MDFIC: variants seen among roughly 807,000 people sequenced by gnomAD.
MDFIC encodes the protein MyoD family inhibitor domain containing, also known as myoD family inhibitor domain-containing protein.
MDFIC carries 17 observed loss-of-function variants against 23.2 expected under a neutral mutation model. The ratio of observed to expected loss-of-function variants is 0.73; its 90% CI spans 0.50 to 1.10. The LOEUF is 1.10. Ranked by LOEUF, MDFIC falls within the 50% of genes least tolerant of loss-of-function variation. MDFIC has a pLI of 0.00. For synonymous variants in MDFIC, 120 were observed against 115.2 expected, an observed-to-expected ratio of 1.04 and a Z score of -0.27; for missense variants, 356 against 316.6, an observed-to-expected ratio of 1.12 and a Z score of -0.95.
At chr7:114,969,958 G>A (rs1339661160) in intron 3 of MDFIC, among the ~76,000 whole-genome samples, 2 of 152,124 alleles carry the variant, frequency 1.3e-5, no homozygotes, top group East Asian at 3.9e-4. Flanking sequence ...GCAACATGTG[G>A]CTTAAAACAC....
At chr7:114,936,618 GT>G (rs1368388991) in intron 2 of MDFIC, among the ~76,000 whole-genome samples, 3 of 152,114 alleles carry the variant, frequency 2.0e-5, no homozygotes, top group Non-Finnish European at 4.4e-5. Flanking sequence ...TTGTTCCCTT[GT>G]GAAGTAGCAA....
Position 114,925,234 on chromosome 7 carries a change from T to A in MDFIC, c.94+2107T>A, listed in dbSNP as rs1057128380. Among the ~76,000 whole-genome samples the A allele has an allele frequency of 3.3e-5, 5 of 152,254 alleles. 1 individual carries two copies. The South Asian group carries it at 1.0e-3, about 32-fold the overall frequency. On this transcript the variant is annotated intron_variant, in intron 2 of 4. Transcript: ENST00000393486. ...AAATAATGACATTACAAGCTCTACA[T>A]TTATTACTATACTATATTGTGATGA...
chr7:115,005,660 C>T (rs1791554943), intron 4 of MDFIC, among the ~76,000 whole-genome samples: 2 of 152,160 alleles, frequency 1.3e-5, no homozygotes, highest in South Asian at 4.1e-4. Context: ...TATCTGTTTT[C>T]AGCAATTTTA....
At chr7:114,933,639 A>G (rs1480404890) in intron 2 of MDFIC, among the ~76,000 whole-genome samples, 1 of 152,204 alleles carries the variant, frequency 6.6e-6, no homozygotes, top group Non-Finnish European at 1.5e-5. Context: ...TTTGGCAATC[A>G]GACAACCTCT....
At chr7:114,933,124 ACT>A (rs980538155) in intron 2 of MDFIC, among the ~76,000 whole-genome samples, 4 of 152,104 alleles carry the variant, frequency 2.6e-5, no homozygotes, top group Non-Finnish European at 4.4e-5. Context: ...TCATAAAATA[ACT>A]CTGTATAACT....
rs1315531534 is a variant in MDFIC, at chr7:115,011,998, TTCTA to T, written c.494-3686_494-3683del. On this transcript the variant is annotated intron_variant, in intron 4 of 4. Transcript: ENST00000393486. ...CTTCTTTTTGCTAATTATCAGATTT[TTCTA>T]TCTGTCACTTAACTTCCTCAGCCAT... 5.3e-5 allele frequency among the ~76,000 whole-genome samples: 8 copies of T among 152,252 alleles called. 1 individual carries two copies. Among genetic ancestry groups the T allele is most frequent in the Non-Finnish European group, 1.0e-4 (7 of 68,046 alleles).
rs549145281 is a variant in MDFIC, at chr7:114,928,707, G to A, written c.94+5580G>A. Among the ~76,000 whole-genome samples the A allele has an allele frequency of 5.3e-5, 8 of 152,264 alleles. No individual in the cohort carries two copies. In the South Asian group the frequency reaches 1.7e-3, roughly 32 times the overall value. On this transcript the variant is annotated intron_variant, in intron 2 of 4. Transcript: ENST00000393486. ...TCTTCTGTAGGAGTTGGTGACCACT[G>A]AAGTCTCTTAAGAAGAAAAGGACAG...
chr7:115,001,855 G>A (rs1033912650), intron 4 of MDFIC, among the ~76,000 whole-genome samples: 1 of 152,136 alleles, frequency 6.6e-6, no homozygotes, highest in African/African-American at 2.4e-5. Flanking sequence ...CTGGCCTCCT[G>A]GCCCGGCACA....
chr7:114,979,602 A>G lies in MDFIC; in HGVS notation c.314A>G (p.Asn105Ser), dbSNP rs1218524039. 6.2e-7 allele frequency: 1 copy of G among 1,614,142 alleles called. No individual in the cohort carries two copies. The highest frequency in any genetic ancestry group is 8.5e-7 in the Non-Finnish European group (1 of 1,179,998). Reference protein sequence around the residue: ...KIKNGHTGLSNGNGIHHGAKH... With the variant: ...KIKNGHTGLSSGNGIHHGAKH... ...AAGAACGGCCACACAGGTCTGAGCA[A>G]TGGAAATGGAATTCACCACGGGGCC... Residue 105 changes from asparagine (N) to serine (S), a missense_variant, in exon 4 of 5, where the codon AAT (asparagine) becomes AGT (serine). Asn to Ser is a conservative substitution (Grantham distance 46). Coordinates refer to ENST00000393486, the MANE Select transcript of MDFIC (RefSeq NM_001166345.3).
chr7:114,995,108 C>G (rs1791294415), intron 4 of MDFIC, among the ~76,000 whole-genome samples: 1 of 152,178 alleles, frequency 6.6e-6, no homozygotes, highest in South Asian at 2.1e-4. Flanking sequence ...GATCTTCAGT[C>G]ACTGATACCC....
At position 114,973,101 on chromosome 7, in the gene MDFIC, G is replaced by GTGTGTATA. The variant is rs367602602; in HGVS notation, c.218-6404_218-6403insGTGTATAT. On this transcript the variant is annotated intron_variant, in intron 3 of 4. Coordinates refer to ENST00000393486, the MANE Select transcript of MDFIC (RefSeq NM_001166345.3). Reference sequence around the variant, plus strand: ...GGCAGTTTATGTATCGTGTGTGTGTGTATATATATATATATATATATGAAT... The same window carrying GTGTGTATA: ...GGCAGTTTATGTATCGTGTGTGTGTGTGTGTATATATATATATATATATATATATGAAT... 1.5e-3 allele frequency among the ~76,000 whole-genome samples: 219 copies of GTGTGTATA among 147,750 alleles called. 3 individuals are homozygous for GTGTGTATA. Among genetic ancestry groups the GTGTGTATA allele is most frequent in the African/African-American group, 5.2e-3 (211 of 40,252 alleles).
chr7:114,983,622 C>T (rs901793825), intron 4 of MDFIC, among the ~76,000 whole-genome samples: 14 of 129,100 alleles, frequency 1.1e-4, no homozygotes, highest in East Asian at 2.3e-4. Context: ...GGCTGGAGTG[C>T]GATGGTGCGA....
At chr7:114,925,527 G>A (rs1467692293) in intron 2 of MDFIC, among the ~76,000 whole-genome samples, 1 of 152,130 alleles carries the variant, frequency 6.6e-6, no homozygotes, top group Non-Finnish European at 1.5e-5. Context: ...GCATTAAAAA[G>A]CATTACAAAT....
intron 4 of MDFIC, among the ~76,000 whole-genome samples, chr7:114,989,773 C>A (rs546700778): frequency 4.6e-5 from 7 of 152,126 alleles, no homozygotes; most frequent in African/African-American, 9.7e-5. Flanking sequence ...GGACACGTAA[C>A]CTTTGGTGAC....
chr7:115,000,406 G>T (rs533288633), intron 4 of MDFIC, among the ~76,000 whole-genome samples: 2 of 152,146 alleles, frequency 1.3e-5, no homozygotes, highest in East Asian at 3.9e-4. Context: ...AACATAATTG[G>T]TTTCCTTCAA....
chr7:114,993,618 T>C (rs1324746681), intron 4 of MDFIC, among the ~76,000 whole-genome samples: 3 of 152,220 alleles, frequency 2.0e-5, no homozygotes, highest in Non-Finnish European at 2.9e-5. Flanking sequence ...CCAGTAGTCA[T>C]TCAGGAGCAG....
At chr7:114,948,431 A>C (rs1393886280) in intron 3 of MDFIC, among the ~76,000 whole-genome samples, 2 of 152,054 alleles carry the variant, frequency 1.3e-5, no homozygotes, top group Non-Finnish European at 2.9e-5. Context: ...TAGGAATGAC[A>C]CTTTATTTAT....
chr7:114,929,481 G>A (rs112655812), intron 2 of MDFIC, among the ~76,000 whole-genome samples: 3,178 of 152,216 alleles, frequency 0.021, 80 homozygotes, highest in African/African-American at 0.063. Flanking sequence ...CTGGATTTTG[G>A]CAATCAGACA....
At chr7:115,003,109 C>G (rs1791496229) in intron 4 of MDFIC, among the ~76,000 whole-genome samples, 1 of 152,128 alleles carries the variant, frequency 6.6e-6, no homozygotes, top group South Asian at 2.1e-4. Flanking sequence ...AAATATTGTT[C>G]TCTCTCACTT....
Sources: gnomAD v4.1 joint callset for allele counts (sites outside exome capture counted in the v4.1 genomes callset) on GRCh38, gnomAD v4.1.1 for gene constraint, MANE v1.5 for transcripts, NCBI Gene and HGNC (gene_info 2026-07-23, HGNC 2026-07-21) for gene names.